The following PGLYRP4 variants were observed in gnomAD, a reference collection of about 807,000 sequenced individuals.
PGLYRP4 encodes peptidoglycan recognition protein 4.
A neutral mutation model predicts 41.2 loss-of-function variants in PGLYRP4; 39 were observed. The observed-to-expected ratio is 0.95, with a 90% CI of 0.73 to 1.24. The LOEUF is 1.24. Among genes scored for constraint, PGLYRP4 ranks in the 50% most tolerant of loss-of-function variants. PGLYRP4 has a pLI of 0.00. For missense variants in PGLYRP4, 467 were observed against 460.7 expected (o/e 1.01, Z -0.13); for synonymous variants, 202 against 186.8 (o/e 1.08, Z -0.66).
At chr1:153,339,414 C>A (rs1209891529) in intron 7 of PGLYRP4, among the ~76,000 whole-genome samples, 2 of 152,180 alleles carry the variant, frequency 1.3e-5, no homozygotes, top group Non-Finnish European at 2.9e-5. Flanking sequence ...AGGGGAGAGA[C>A]AGTCAGCCCA....
intron 8 of PGLYRP4, among the ~76,000 whole-genome samples, chr1:153,336,177 T>C (rs1241168299): frequency 6.6e-6 from 1 of 151,246 alleles, no homozygotes; most frequent in Admixed American, 6.6e-5. Context: ...TCGAGACAAG[T>C]CTGGCCAACA....
intron 6 of PGLYRP4, among the ~76,000 whole-genome samples, chr1:153,341,387 A>G (rs1258118144): frequency 6.6e-6 from 1 of 152,230 alleles, no homozygotes; most frequent in African/African-American, 2.4e-5. Context: ...AGGAGTGTGC[A>G]TATATGACAC....
At chr1:153,334,462 ATT>A (rs1218461161) in intron 8 of PGLYRP4, among the ~76,000 whole-genome samples, 4 of 126,914 alleles carry the variant, frequency 3.2e-5, no homozygotes, top group Non-Finnish European at 6.8e-5. Flanking sequence ...ATATATATAT[ATT>A]TATTTATATA....
intron 2 of PGLYRP4, among the ~76,000 whole-genome samples, chr1:153,347,120 C>T (rs1485245264): frequency 6.6e-6 from 1 of 152,048 alleles, no homozygotes; most frequent in East Asian, 1.9e-4. Context: ...TGTCACCAGG[C>T]TGGAGTGCAG....
intron 2 of PGLYRP4, among the ~76,000 whole-genome samples, chr1:153,346,669 G>A (rs1275616007): frequency 6.6e-6 from 1 of 152,210 alleles, no homozygotes; most frequent in Non-Finnish European, 1.5e-5. Context: ...GAAGGCCCAT[G>A]GGGGATGGGC....
In PGLYRP4 at chr1:153,346,999, G is replaced by A. The variant is rs149241195; in HGVS notation, c.50-808C>T. 1.0e-3 allele frequency among the ~76,000 whole-genome samples: 157 copies of A among 152,310 alleles called. 1 individual carries two copies. The highest frequency in any genetic ancestry group is 3.6e-3 in the African/African-American group (149 of 41,560). Reference sequence around the variant, plus strand: ...TCCAGGTCTATAGGCTCCAAGTTCTGTGCTCTATGTACAATCTATTCTTTC... The same window carrying A: ...TCCAGGTCTATAGGCTCCAAGTTCTATGCTCTATGTACAATCTATTCTTTC... On this transcript the variant is annotated intron_variant, in intron 2 of 8. Transcript: ENST00000359650.
Position 153,330,799 on chromosome 1 carries a change from T to A in PGLYRP4, c.1090A>T (p.Ile364Phe), listed in dbSNP as rs764261258. 2.9e-5 allele frequency: 47 copies of A among 1,613,848 alleles called. No individual in the cohort carries two copies. The highest frequency in any genetic ancestry group is 3.9e-5 in the Non-Finnish European group (46 of 1,179,932). Residue 364 changes from isoleucine to phenylalanine, a missense_variant, in exon 9 of 9, where the codon ATC becomes TTC. Ile to Phe is a conservative substitution (Grantham distance 21, BLOSUM62 0). Transcript: ENST00000359650. ...TTGAAATGAGGCCAGGTGCTGATGA[T>A]GTTGTACAAAGCCTGCCCAGGAGAC... Reference protein sequence around the residue: ...TLSPGQALYNIISTWPHFKH With the variant: ...TLSPGQALYNFISTWPHFKH
intron 8 of PGLYRP4, among the ~76,000 whole-genome samples, chr1:153,334,468 T>TATATATATATATTTTTATATATA (rs1275488427): frequency 2.5e-4 from 35 of 142,524 alleles, no homozygotes; most frequent in East Asian, 1.8e-3. Context: ...ATATATTTAT[T>TATATATATATATTTTTATATATA]TATATATATT....
At chr1:153,343,032 C>A in intron 5 of PGLYRP4, 58 bp downstream of exon 5, 1 of 1,014,944 alleles carries the variant, frequency 9.9e-7, no homozygotes, top group Middle Eastern at 2.3e-4. Flanking sequence ...CATGAAGTGG[C>A]CCCTGAGACA....
At position 153,339,045 on chromosome 1, in the gene PGLYRP4, A is replaced by G. The variant is rs765327713; in HGVS notation, c.824+1336T>C. On this transcript the variant is annotated intron_variant, in intron 7 of 8. Coordinates refer to ENST00000359650, the MANE Select transcript of PGLYRP4 (RefSeq NM_020393.4). ...TAATCTATGAAGGAGGGAGTGTGTC[A>G]TCCTGACTACAGACCACCTCAATGA... is the stretch of plus-strand genomic sequence containing the variant. Among the ~76,000 whole-genome samples the G allele has an allele frequency of 2.6e-5, 4 of 152,326 alleles. No homozygotes were observed. The South Asian group carries it at 6.2e-4, about 24-fold the overall frequency.
At chr1:153,331,408 A>T (rs552328174) in intron 8 of PGLYRP4, among the ~76,000 whole-genome samples, 1 of 152,302 alleles carries the variant, frequency 6.6e-6, no homozygotes, top group South Asian at 2.1e-4. Context: ...GAGAAACTTG[A>T]TTTAATCACA....
At chr1:153,346,436 A>T (rs919996576) in intron 2 of PGLYRP4, among the ~76,000 whole-genome samples, 4 of 151,954 alleles carry the variant, frequency 2.6e-5, no homozygotes, top group African/African-American at 9.7e-5. Flanking sequence ...TGGAAATGTT[A>T]TCCTTTTCTC....
At chr1:153,341,971 A>G (rs897215248) in intron 5 of PGLYRP4, among the ~76,000 whole-genome samples, 192 bp from the exon 6 acceptor site, 1 of 152,178 alleles carries the variant, frequency 6.6e-6, no homozygotes, top group Non-Finnish European at 1.5e-5. Flanking sequence ...GCTCAAAATG[A>G]AGTCCTTTCT....
chr1:153,332,928 A>G (rs535252368), intron 8 of PGLYRP4, among the ~76,000 whole-genome samples: 28 of 147,400 alleles, frequency 1.9e-4, no homozygotes, highest in African/African-American at 6.7e-4. Flanking sequence ...TATCAGAAAG[A>G]TAGAAAGGTC....
At chr1:153,342,078 T>A (rs1660826800) in intron 5 of PGLYRP4, among the ~76,000 whole-genome samples, 1 of 152,138 alleles carries the variant, frequency 6.6e-6, no homozygotes, top group African/African-American at 2.4e-5. Flanking sequence ...GGCCAGGGTT[T>A]CCCATCAGAA....
Position 153,340,461 on chromosome 1 carries a change from A to C in PGLYRP4, c.744T>G (p.Ile248Met), listed in dbSNP as rs528814345. ...IIHTAGRTCNISDECRLLVRD... is the reference protein window; with the variant it reads ...IIHTAGRTCNMSDECRLLVRD... ...GGACCAGCAGGCGGCACTCATCAGA[A>C]ATGTTGCAGGTCCTCCCGGCAGTGT... The change falls in exon 7 of 9, where the codon ATT becomes ATG. Residue 248 changes from isoleucine to methionine, a missense_variant. Transcript: ENST00000359650. The C allele has an allele frequency of 1.2e-6, 2 of 1,614,166 alleles. No homozygotes were observed. Among genetic ancestry groups the C allele is most frequent in the African/African-American group, 1.3e-5 (1 of 75,024 alleles).
intron 8 of PGLYRP4, among the ~76,000 whole-genome samples, chr1:153,336,369 C>CAAAAAA (rs58665160): frequency 3.7e-4 from 28 of 76,484 alleles, no homozygotes; most frequent in African/African-American, 6.9e-4. Flanking sequence ...GACTCCATCT[C>CAAAAAA]AAAAAAAAAA....
intron 3 of PGLYRP4, 52 bp downstream of exon 3, chr1:153,346,050 T>C: frequency 7.4e-7 from 1 of 1,353,026 alleles, no homozygotes; most frequent in Non-Finnish European, 1.1e-6. Flanking sequence ...TCCGATCACA[T>C]GAAAAACCCC....
chr1:153,340,201 C>A (rs1038475717), intron 7 of PGLYRP4, among the ~76,000 whole-genome samples, 180 bp downstream of exon 7: 2 of 152,160 alleles, frequency 1.3e-5, no homozygotes, highest in African/African-American at 2.4e-5. Context: ...ATGACTACCC[C>A]CTTGGCTATC....
Sources: allele counts gnomAD v4.1 joint callset (sites outside exome capture counted in the v4.1 genomes callset), GRCh38; gene constraint gnomAD v4.1.1; transcripts MANE v1.5; gene names NCBI Gene and HGNC (gene_info 2026-07-23, HGNC 2026-07-21).